Variants in CCDC85C observed in about 807,000 individuals in gnomAD.
CCDC85C encodes coiled-coil domain-containing protein 85C.
In CCDC85C, 18 loss-of-function variants were observed where a neutral mutation model predicts 38.3. That is an observed-to-expected ratio of 0.47 (90% CI 0.33 to 0.70). The LOEUF is 0.70. CCDC85C is among the 30% of genes least tolerant of loss of function. CCDC85C has a pLI of 0.03. For synonymous variants in CCDC85C, 264 were observed against 293.8 expected, an observed-to-expected ratio of 0.90 and a Z score of 1.04; for missense variants, 566 against 621.2, an observed-to-expected ratio of 0.91 and a Z score of 0.94.
At position 99,578,851 on chromosome 14, in the gene CCDC85C, C is replaced by T. The variant is rs562761384; in HGVS notation, c.793+24316G>A. On this transcript the variant is annotated intron_variant, in intron 1 of 5. Transcript: ENST00000380243. ...CCTAGAGTGAGGATGTAATAATCTG[C>T]TGGAAGGCGTGACCGTGCCGTGGAA... Among the ~76,000 whole-genome samples the T allele has an allele frequency of 2.0e-5, 3 of 152,320 alleles. No homozygotes were observed. The East Asian group carries it at 5.8e-4, about 29-fold the overall frequency.
chr14:99,506,887 T>G lies in CCDC85C; in HGVS notation c.*8359A>C, dbSNP rs1595324777. 1 of 567,456 alleles carries G rather than the reference T, an allele frequency of 1.8e-6. No homozygotes were observed. The highest frequency in any genetic ancestry group is 3.2e-6 in the Non-Finnish European group (1 of 314,116). The allele number at this position is 567,456 out of a possible 1,614,324, so 35.2% of individuals were successfully genotyped here. Reference sequence around the variant, plus strand: ...AGCTCGCAGGTCTTTTGGAGGGAGGTGGCATTTAATTTGTTAACAGGATTC... The same window carrying G: ...AGCTCGCAGGTCTTTTGGAGGGAGGGGGCATTTAATTTGTTAACAGGATTC... On this transcript the variant is annotated 3_prime_UTR_variant, in exon 6 of 6. Transcript: ENST00000380243.
chr14:99,603,723 G>T lies in CCDC85C; in HGVS notation c.237C>A (p.Asp79Glu), dbSNP rs1305346674. 6.6e-7 allele frequency: 1 copy of T among 1,518,858 alleles called. No homozygotes were observed. Among genetic ancestry groups the T allele is most frequent in the Non-Finnish European group, 8.8e-7 (1 of 1,138,920 alleles). 94.1% of individuals were successfully genotyped at this position (1,518,858 alleles called of 1,614,324 possible). A position where few individuals can be genotyped will look rare whatever the true frequency, so the allele number is the denominator to read the frequency against. ...GLKDVNQRLQ[D>E]DNQELRELCC... ...AGAGCTCGCGCAGCTCCTGGTTGTC[G>T]TCCTGCAGCCGCTGGTTCACGTCCT... The change falls in exon 1 of 6, where the codon GAC becomes GAA. Residue 79 changes from aspartate (D) to glutamate (E), a missense_variant. This residue lies in a region of CCDC85C where 269 missense variants were observed against 308.2 expected (regional missense o/e 0.87). Transcript: ENST00000380243. This position sits in a 1 kb window ranked among gnomAD's most constrained non-coding sequence, Gnocchi z 7.5.
chr14:99,507,055 TA>T lies in CCDC85C; in HGVS notation c.*8190del. 1 of 1,502,684 alleles carries T rather than the reference TA, an allele frequency of 6.7e-7. No homozygotes were observed. The highest frequency in any genetic ancestry group is 9.3e-7 in the Non-Finnish European group (1 of 1,078,466). 93.1% of individuals were successfully genotyped at this position (1,502,684 alleles called of 1,614,324 possible). ...ATGTGAAGAAGTATGAGTGGTTTTC[TA>T]ATCTGCTTTTTCTTTGTAGAACCAC... On this transcript the variant is annotated 3_prime_UTR_variant, in exon 6 of 6. Transcript: ENST00000380243.
In CCDC85C at chr14:99,513,559, C is replaced by A. The variant is rs1897173191; in HGVS notation, c.*1687G>T. ...GGGGCGTGAGCCTTTCCCCTGAGAG[C>A]AAACGGGCAGCAAGAACTGCTCAGA... On this transcript the variant is annotated 3_prime_UTR_variant, in exon 6 of 6. Coordinates refer to ENST00000380243, the MANE Select transcript of CCDC85C (RefSeq NM_001144995.2). The A allele has an allele frequency of 6.6e-6, 1 of 152,316 alleles. No individual in the cohort carries two copies. The highest frequency in any genetic ancestry group is 1.9e-4 in the East Asian group (1 of 5,186). 9.4% of individuals were successfully genotyped at this position (152,316 alleles called of 1,614,324 possible). A position where few individuals can be genotyped will look rare whatever the true frequency, so the allele number is the denominator to read the frequency against.
intron 2 of CCDC85C, among the ~76,000 whole-genome samples, chr14:99,531,137 G>T (rs532238120): frequency 3.9e-5 from 6 of 152,262 alleles, no homozygotes; most frequent in African/African-American, 1.4e-4. Flanking sequence ...GGAGAGGTGG[G>T]CACAGCGTGG....
chr14:99,562,451 A>G (rs2144805), intron 1 of CCDC85C, among the ~76,000 whole-genome samples: 87,594 of 152,114 alleles, frequency 0.58, 25,854 homozygotes, highest in African/African-American at 0.71. Flanking sequence ...GGTGCATGAG[A>G]TGGACATGGC....
rs533764376 is a variant in CCDC85C, at chr14:99,543,566, C to T, written c.794-7478G>A. Among the ~76,000 whole-genome samples, 76 of 152,240 alleles carry T rather than the reference C, an allele frequency of 5.0e-4. 1 individual carries two copies. Among genetic ancestry groups the T allele is most frequent in the African/African-American group, 1.8e-3 (74 of 41,538 alleles). ...CCTCCTTCCTGAAGGAGGTGACACTCGAGCTGAGCACTGAAGAGCAAGCAG... is the reference window on the plus strand; with the variant it reads ...CCTCCTTCCTGAAGGAGGTGACACTTGAGCTGAGCACTGAAGAGCAAGCAG... On this transcript the variant is annotated intron_variant, in intron 1 of 5. Coordinates refer to ENST00000380243, the MANE Select transcript of CCDC85C (RefSeq NM_001144995.2).
At chr14:99,592,948 C>G (rs1245825675) in intron 1 of CCDC85C, among the ~76,000 whole-genome samples, 1 of 152,248 alleles carries the variant, frequency 6.6e-6, no homozygotes, top group Non-Finnish European at 1.5e-5. Flanking sequence ...GAGGGAGAAA[C>G]TAGCTTCTTA....
At position 99,548,309 on chromosome 14, in the gene CCDC85C, C is replaced by T. The variant is rs1291347315; in HGVS notation, c.794-12221G>A. ...AGCCAAGAAGTCTGTGAGGAGACGCCCAACCGCAGGTGTCATCAAGGAAAC... is the reference window on the plus strand; with the variant it reads ...AGCCAAGAAGTCTGTGAGGAGACGCTCAACCGCAGGTGTCATCAAGGAAAC... On this transcript the variant is annotated intron_variant, in intron 1 of 5. Transcript: ENST00000380243. The surrounding 1 kb of genome is among the most constrained non-coding windows in gnomAD (Gnocchi z 4.9). 6.6e-6 allele frequency among the ~76,000 whole-genome samples: 1 copy of T among 152,022 alleles called. No homozygotes were observed. Among genetic ancestry groups the T allele is most frequent in the Non-Finnish European group, 1.5e-5 (1 of 68,014 alleles).
In CCDC85C at chr14:99,500,952, C is replaced by A; in HGVS notation, c.*14294G>T. 2.2e-6 allele frequency: 2 copies of A among 896,906 alleles called. No individual in the cohort carries two copies. The highest frequency in any genetic ancestry group is 1.5e-5 in the South Asian group (1 of 65,044). 55.6% of individuals were successfully genotyped at this position (896,906 alleles called of 1,614,324 possible). ...TTGATGACACTCAAATTACGCTTCTCAAAAGCGGAAAACAAAGTTTGATGT... is the reference window on the plus strand; with the variant it reads ...TTGATGACACTCAAATTACGCTTCTAAAAAGCGGAAAACAAAGTTTGATGT... On this transcript the variant is annotated 3_prime_UTR_variant, in exon 6 of 6. Transcript: ENST00000380243.
intron 2 of CCDC85C, among the ~76,000 whole-genome samples, chr14:99,523,553 G>A (rs573316919): frequency 2.0e-3 from 306 of 152,322 alleles, no homozygotes; most frequent in Non-Finnish European, 3.6e-3. Context: ...GCAGGGATCC[G>A]GCACTGACTC....
At chr14:99,567,395 G>T (rs1898237469) in intron 1 of CCDC85C, among the ~76,000 whole-genome samples, 1 of 152,224 alleles carries the variant, frequency 6.6e-6, no homozygotes, top group East Asian at 1.9e-4. Context: ...GTGACAACCA[G>T]GGGAGGCATG....
rs370610544 is a variant in CCDC85C at position 99,535,517 on chromosome 14, C to T, written c.867+498G>A. ...CCCAACCCCACCTCCCCCCTACAGC[C>T]AACCCCTCCCACGCCGTGCCCCTGC... On this transcript the variant is annotated intron_variant, in intron 2 of 5. Coordinates refer to ENST00000380243, the MANE Select transcript of CCDC85C (RefSeq NM_001144995.2). The surrounding 1 kb of genome is among the most constrained non-coding windows in gnomAD (Gnocchi z 5.5). Among the ~76,000 whole-genome samples, 25 of 152,284 alleles carry T rather than the reference C, an allele frequency of 1.6e-4. No individual in the cohort carries two copies. The South Asian group carries it at 5.0e-3, about 30-fold the overall frequency.
chr14:99,552,932 T>C (rs1273712117), intron 1 of CCDC85C, among the ~76,000 whole-genome samples: 1 of 152,194 alleles, frequency 6.6e-6, no homozygotes, highest in Non-Finnish European at 1.5e-5. Context: ...CAGGAGCTCA[T>C]TGTCCTGCTG....
At chr14:99,549,253 T>C (rs922351080) in intron 1 of CCDC85C, among the ~76,000 whole-genome samples, 4 of 152,232 alleles carry the variant, frequency 2.6e-5, no homozygotes, top group Admixed American at 2.6e-4. Context: ...GGGCGGCTGT[T>C]CTAGAAAAGA....
At chr14:99,532,110 GAGA>G (rs1387459232) in intron 2 of CCDC85C, among the ~76,000 whole-genome samples, 1 of 152,206 alleles carries the variant, frequency 6.6e-6, no homozygotes, top group African/African-American at 2.4e-5. Context: ...CCCTGTCCTG[GAGA>G]AGATGACAGT....
rs920781998 is a variant in CCDC85C at position 99,562,380 on chromosome 14, C to T, written c.794-26292G>A. ...AAGCCCTAACCAAGTGCCACAGAGCCACAGCGCAATGCCACACAATCACTG... is the reference window on the plus strand; with the variant it reads ...AAGCCCTAACCAAGTGCCACAGAGCTACAGCGCAATGCCACACAATCACTG... On this transcript the variant is annotated intron_variant, in intron 1 of 5. Transcript: ENST00000380243. Among the ~76,000 whole-genome samples the T allele has an allele frequency of 5.3e-5, 8 of 152,226 alleles. No homozygotes were observed. In the South Asian group the frequency reaches 8.3e-4, roughly 16 times the overall value.
intron 1 of CCDC85C, among the ~76,000 whole-genome samples, chr14:99,536,942 G>T (rs1259962796): frequency 6.6e-6 from 1 of 152,176 alleles, no homozygotes; most frequent in Non-Finnish European, 1.5e-5. Flanking sequence ...GATGCCCAGG[G>T]CAAACCCTCA....
chr14:99,504,020 G>T lies in CCDC85C; in HGVS notation c.*11226C>A. On this transcript the variant is annotated 3_prime_UTR_variant, in exon 6 of 6. Coordinates refer to ENST00000380243, the MANE Select transcript of CCDC85C (RefSeq NM_001144995.2). ...CACAGCAGATGCGGGGGGGCAGTAG[G>T]GGGTGGTGTGCTGCCCGGACAGCAC... The T allele has an allele frequency of 2.7e-6, 1 of 364,820 alleles. No homozygotes were observed. The highest frequency in any genetic ancestry group is 8.6e-5 in the East Asian group (1 of 11,624). The allele number at this position is 364,820 out of a possible 1,614,324, so 22.6% of individuals were successfully genotyped here.
Sources: allele counts gnomAD v4.1 joint callset (sites outside exome capture counted in the v4.1 genomes callset), GRCh38; gene constraint gnomAD v4.1.1; regional missense constraint gnomAD v4.1.1; non-coding constraint Gnocchi (gnomAD v3.1); transcripts MANE v1.5; gene names NCBI Gene and HGNC (gene_info 2026-07-23, HGNC 2026-07-21).